GRM3: variants seen among roughly 807,000 people sequenced by gnomAD.
GRM3 encodes the protein metabotropic glutamate receptor 3.
In GRM3, 26 loss-of-function variants were observed where a neutral mutation model predicts 70.5. The observed-to-expected ratio is 0.37, with a 90% confidence interval of 0.27 to 0.51. The LOEUF (loss-of-function observed/expected upper bound fraction) is 0.51. GRM3 is among the 20% of genes least tolerant of loss of function. GRM3 has a pLI of 0.93. For missense variants in GRM3, 859 were observed against 1,123.8 expected (o/e 0.76, Z 3.37); for synonymous variants, 443 against 434.9 (o/e 1.02, Z -0.23).
chr7:86,781,214 T>C (rs1797049516), intron 2 of GRM3, among the ~76,000 whole-genome samples: 1 of 152,024 alleles, frequency 6.6e-6, no homozygotes, highest in South Asian at 2.1e-4. Flanking sequence ...CTGAAAATAC[T>C]AGGGATCTTT....
At chr7:86,748,684 G>T (rs891280919) in intron 1 of GRM3, among the ~76,000 whole-genome samples, 29 of 152,004 alleles carry the variant, frequency 1.9e-4, no homozygotes, top group Non-Finnish European at 3.1e-4. Flanking sequence ...CAGTGCAGGG[G>T]AGAGTGGCTA....
intron 1 of GRM3, chr7:86,645,102 A>T (rs147830921): frequency 2.9e-6 from 1 of 346,728 alleles, no homozygotes; most frequent in African/African-American, 2.2e-5. Context: ...GGGAGATTTC[A>T]GGGCATAGAT....
chr7:86,824,380 T>A (rs1798189123), intron 3 of GRM3, among the ~76,000 whole-genome samples: 1 of 152,236 alleles, frequency 6.6e-6, no homozygotes, highest in South Asian at 2.1e-4. Flanking sequence ...AAATTCTTTC[T>A]GCACTGAGAT....
chr7:86,724,604 C>T (rs533339105), intron 1 of GRM3, among the ~76,000 whole-genome samples: 4 of 152,188 alleles, frequency 2.6e-5, no homozygotes, highest in East Asian at 1.9e-4. Flanking sequence ...ATCAGTGTTC[C>T]TAACATTCTA....
At chr7:86,814,822 G>A (rs1443473914) in intron 3 of GRM3, among the ~76,000 whole-genome samples, 1 of 150,800 alleles carries the variant, frequency 6.6e-6, no homozygotes, top group Non-Finnish European at 1.5e-5. Flanking sequence ...TTCAGCGCCA[G>A]TCATTTCCCA....
intron 1 of GRM3, among the ~76,000 whole-genome samples, chr7:86,709,680 A>T (rs1402554017): frequency 2.0e-5 from 3 of 152,038 alleles, no homozygotes; most frequent in African/African-American, 4.8e-5. Flanking sequence ...TTCTTTCCTA[A>T]GGGGTTTAGA....
chr7:86,704,733 G>C (rs1795019116), intron 1 of GRM3, among the ~76,000 whole-genome samples: 1 of 151,714 alleles, frequency 6.6e-6, no homozygotes, highest in Non-Finnish European at 1.5e-5. Context: ...AAAAACCTAG[G>C]CCTCTGAATA....
intron 1 of GRM3, among the ~76,000 whole-genome samples, chr7:86,653,111 TGA>T (rs1162032751): frequency 2.0e-5 from 3 of 152,224 alleles, no homozygotes; most frequent in African/African-American, 7.2e-5. Context: ...CAGTTCCTGG[TGA>T]GAGTCCTCTT....
chr7:86,730,305 A>G (rs1795699947), intron 1 of GRM3, among the ~76,000 whole-genome samples: 1 of 151,998 alleles, frequency 6.6e-6, no homozygotes, highest in East Asian at 1.9e-4. Context: ...CTGTAATCTC[A>G]GCTACTCAGA....
intron 1 of GRM3, among the ~76,000 whole-genome samples, chr7:86,730,981 G>A (rs781408290): frequency 6.6e-6 from 1 of 151,952 alleles, no homozygotes; most frequent in South Asian, 2.1e-4. Flanking sequence ...CTCCTAGCCC[G>A]GCTGTGTTTT....
intron 1 of GRM3, among the ~76,000 whole-genome samples, chr7:86,699,886 A>C (rs1794910959): frequency 6.6e-6 from 1 of 152,002 alleles, no homozygotes; most frequent in South Asian, 2.1e-4. Flanking sequence ...TGGGATAAGA[A>C]AAACTTGACC....
At chr7:86,766,762 C>A (rs1031882950) in intron 2 of GRM3, among the ~76,000 whole-genome samples, 8 of 152,156 alleles carry the variant, frequency 5.3e-5, no homozygotes, top group African/African-American at 1.4e-4. Flanking sequence ...GAGTCATACA[C>A]TTTGCCTCCC....
intron 1 of GRM3, among the ~76,000 whole-genome samples, chr7:86,711,646 G>A (rs561702603): frequency 6.6e-6 from 1 of 152,142 alleles, no homozygotes; most frequent in South Asian, 2.1e-4. Flanking sequence ...GATGTATAAT[G>A]GGTGTTCAGT....
chr7:86,680,766 C>T (rs1350751555), intron 1 of GRM3, among the ~76,000 whole-genome samples: 1 of 152,052 alleles, frequency 6.6e-6, no homozygotes, highest in Non-Finnish European at 1.5e-5. Context: ...CTTAGAGCTC[C>T]CAGCCCCTTC....
chr7:86,759,525 G>C (rs1166700770), intron 1 of GRM3, among the ~76,000 whole-genome samples: 1 of 152,110 alleles, frequency 6.6e-6, no homozygotes, highest in African/African-American at 2.4e-5. Flanking sequence ...TTTGACAACT[G>C]TGTGTGAGGC....
chr7:86,751,671 G>A (rs2116362158), intron 1 of GRM3, among the ~76,000 whole-genome samples: 1 of 152,198 alleles, frequency 6.6e-6, no homozygotes, highest in East Asian at 1.9e-4. Flanking sequence ...ATGTCAGGCA[G>A]TGTGTCACTG....
intron 1 of GRM3, among the ~76,000 whole-genome samples, chr7:86,655,306 T>G (rs1793708039): frequency 6.6e-6 from 1 of 152,234 alleles, no homozygotes; most frequent in African/African-American, 2.4e-5. Context: ...TTTTATCTGT[T>G]TTACCAAAGA....
chr7:86,722,505 G>GA (rs1442686147), intron 1 of GRM3, among the ~76,000 whole-genome samples: 1 of 144,636 alleles, frequency 6.9e-6, no homozygotes, highest in Non-Finnish European at 1.5e-5. Flanking sequence ...CACAAAAACA[G>GA]AAAACCAAAC....
intron 1 of GRM3, among the ~76,000 whole-genome samples, chr7:86,734,473 G>A (rs1388978689): frequency 6.6e-6 from 1 of 152,096 alleles, no homozygotes; most frequent in East Asian, 1.9e-4. Flanking sequence ...CCCTATTTCT[G>A]CACTTCAATA....
Sources: gnomAD v4.1 joint callset for allele counts (sites outside exome capture counted in the v4.1 genomes callset) on GRCh38, gnomAD v4.1.1 for gene constraint, MANE v1.5 for transcripts, NCBI Gene and HGNC (gene_info 2026-07-23, HGNC 2026-07-21) for gene names.